The following VTI1A variants were observed in gnomAD, a reference collection of about 807,000 sequenced individuals.
VTI1A encodes vesicle transport through interaction with t-SNAREs 1A.
VTI1A carries 22 observed loss-of-function variants against 34.9 expected under a neutral mutation model. The ratio of observed to expected loss-of-function variants is 0.63; its 90% CI spans 0.45 to 0.90. The LOEUF (loss-of-function observed/expected upper bound fraction) is 0.90. Among genes scored for constraint, VTI1A ranks in the 40% least tolerant of loss-of-function variants. The pLI, the probability that VTI1A is intolerant of heterozygous loss-of-function variation, is 0.00. For synonymous variants in VTI1A, 87 were observed against 97.3 expected, an observed-to-expected ratio of 0.89 and a Z score of 0.62; for missense variants, 268 against 275.6, an observed-to-expected ratio of 0.97 and a Z score of 0.20.
At chr10:112,737,539 C>G in intron 7 of VTI1A, 1 of 1,050,484 alleles carries the variant, frequency 9.5e-7, no homozygotes, top group Non-Finnish European at 1.1e-6. Flanking sequence ...TTAGGTACAT[C>G]GTGAGCAAGG....
chr10:112,608,735 A>G (rs1024200158), intron 5 of VTI1A, among the ~76,000 whole-genome samples: 4 of 152,156 alleles, frequency 2.6e-5, no homozygotes, highest in Admixed American at 2.0e-4. Context: ...TCAGCAGTTA[A>G]AATAATGATT....
intron 5 of VTI1A, among the ~76,000 whole-genome samples, chr10:112,556,699 A>G (rs1265622430): frequency 1.3e-5 from 2 of 152,010 alleles, no homozygotes; most frequent in African/African-American, 4.8e-5. Flanking sequence ...TTGTGGCATT[A>G]ATTGTTTTAG....
rs532934864 is a variant in VTI1A at position 112,647,863 on chromosome 10, G to A, written c.428-20355G>A. On this transcript the variant is annotated intron_variant, in intron 5 of 7. Transcript: ENST00000393077. The stretch of plus-strand genomic sequence containing the variant: ...TGGCTCGCTGCAACCTTCGCCTCCC[G>A]GGCTCAGGTGATTCTCCTGCCTTAG... Among the ~76,000 whole-genome samples the A allele has an allele frequency of 5.3e-5, 8 of 152,166 alleles. No homozygotes were observed. In the South Asian group the frequency reaches 1.0e-3, roughly 20 times the overall value.
chr10:112,690,906 G>A (rs530022242), intron 7 of VTI1A, among the ~76,000 whole-genome samples: 58 of 152,236 alleles, frequency 3.8e-4, no homozygotes, highest in African/African-American at 1.3e-3. Context: ...CTAGCCATAG[G>A]TGCCCCTGCC....
At chr10:112,654,703 G>A (rs912968026) in intron 5 of VTI1A, among the ~76,000 whole-genome samples, 16 of 151,978 alleles carry the variant, frequency 1.1e-4, no homozygotes, top group South Asian at 4.1e-4. Context: ...CCGTGGGCTC[G>A]ATCTCCTGAC....
intron 7 of VTI1A, among the ~76,000 whole-genome samples, chr10:112,797,570 A>G (rs1852716076): frequency 6.6e-6 from 1 of 151,930 alleles, no homozygotes; most frequent in South Asian, 2.1e-4. Context: ...AAAAAAATTA[A>G]GATACCCTAT....
intron 7 of VTI1A, among the ~76,000 whole-genome samples, chr10:112,681,677 A>G (rs1271712147): frequency 6.6e-6 from 1 of 152,222 alleles, no homozygotes; most frequent in African/African-American, 2.4e-5. Context: ...ATAATATTGC[A>G]AATTTTCACA....
chr10:112,772,101 G>A (rs1851829150), intron 7 of VTI1A, among the ~76,000 whole-genome samples: 1 of 152,176 alleles, frequency 6.6e-6, no homozygotes, highest in Non-Finnish European at 1.5e-5. Flanking sequence ...TGGTAACTCT[G>A]TGTTCAACTT....
At chr10:112,823,770 A>G in the VTI1A span, 1 of 152,258 alleles carries the variant, frequency 6.6e-6, no homozygotes, top group South Asian at 2.1e-4. Flanking sequence ...AGAGCTGGAA[A>G]GAGCAGCGTT....
rs1227489657 is a variant in VTI1A at position 112,447,303 on chromosome 10, G to GC, written c.-67dup. On this transcript the variant is annotated 5_prime_UTR_variant, in exon 1 of 8. Transcript: ENST00000393077. ...CCTTCCGGGGTTCCTAAGCCGCGGG[G>GC]CCCCTCGCTGCCCCTCGAGGCCCTT... The GC allele has an allele frequency of 6.6e-7, 1 of 1,525,714 alleles. No homozygotes were observed. The highest frequency in any genetic ancestry group is 8.9e-7 in the Non-Finnish European group (1 of 1,126,326). 94.5% of individuals were successfully genotyped at this position (1,525,714 alleles called of 1,614,324 possible).
chr10:112,624,736 A>G (rs1157887556), intron 5 of VTI1A, among the ~76,000 whole-genome samples: 1 of 152,112 alleles, frequency 6.6e-6, no homozygotes, highest in Non-Finnish European at 1.5e-5. Flanking sequence ...GCAGTTTCCG[A>G]TATGTTTTCT....
At chr10:112,541,044 A>G (rs1482827983) in intron 5 of VTI1A, among the ~76,000 whole-genome samples, 2 of 152,218 alleles carry the variant, frequency 1.3e-5, no homozygotes, top group Non-Finnish European at 2.9e-5. Context: ...TCACAAGGCT[A>G]CAGTTATTTC....
At chr10:112,705,018 A>G (rs1385339633) in intron 7 of VTI1A, among the ~76,000 whole-genome samples, 2 of 151,818 alleles carry the variant, frequency 1.3e-5, no homozygotes, top group Non-Finnish European at 2.9e-5. Context: ...CCTCCCAAGT[A>G]GTAGGACTAC....
At chr10:112,736,897 T>C (rs1183227550) in intron 7 of VTI1A, 1 of 715,192 alleles carries the variant, frequency 1.4e-6, no homozygotes, top group Non-Finnish European at 2.5e-6. Flanking sequence ...GAAGTATTTA[T>C]AGATGCGCAG....
chr10:112,571,499 G>A (rs778870380), intron 5 of VTI1A, among the ~76,000 whole-genome samples: 10 of 152,138 alleles, frequency 6.6e-5, no homozygotes, highest in Non-Finnish European at 1.3e-4. Context: ...AGATATTGGC[G>A]ATGCTATGGA....
chr10:112,783,152 C>A (rs1263551112), intron 7 of VTI1A, among the ~76,000 whole-genome samples: 1 of 152,172 alleles, frequency 6.6e-6, no homozygotes. Flanking sequence ...GGTGTGTAAT[C>A]TTTGGGATAA....
chr10:112,470,538 C>T (rs185960539), intron 3 of VTI1A, among the ~76,000 whole-genome samples: 137 of 152,252 alleles, frequency 9.0e-4, no homozygotes, highest in Middle Eastern at 3.4e-3. Flanking sequence ...CAGGCAGCAG[C>T]CCCCTGGAAG....
chr10:112,748,878 C>T (rs1366832358), intron 7 of VTI1A, among the ~76,000 whole-genome samples: 1 of 152,070 alleles, frequency 6.6e-6, no homozygotes, highest in Non-Finnish European at 1.5e-5. Flanking sequence ...ACCCACCCGC[C>T]TCAGCCTCCC....
At chr10:112,523,612 C>T (rs183603903) in intron 3 of VTI1A, among the ~76,000 whole-genome samples, 2 of 151,762 alleles carry the variant, frequency 1.3e-5, no homozygotes, top group Admixed American at 1.3e-4. Context: ...CAAGTATTGT[C>T]AGCTGAAGCT....
Sources: gnomAD v4.1 joint callset for allele counts (sites outside exome capture counted in the v4.1 genomes callset) on GRCh38, gnomAD v4.1.1 for gene constraint, MANE v1.5 for transcripts, NCBI Gene and HGNC (gene_info 2026-07-23, HGNC 2026-07-21) for gene names.